AK4: variants seen among roughly 807,000 people sequenced by gnomAD.
The protein encoded by AK4 is adenylate kinase 4.
A neutral mutation model predicts 24.6 loss-of-function variants in AK4; 13 were observed. The ratio of observed to expected loss-of-function variants is 0.53; its 90% CI spans 0.34 to 0.84. AK4 has a LOEUF of 0.84. AK4 is among the 40% of genes least tolerant of loss of function. AK4 has a pLI of 0.01. For missense variants in AK4, 192 were observed against 288.2 expected (o/e 0.67, Z 2.42); for synonymous variants, 88 against 107.0 (o/e 0.82, Z 1.10).
chr1:65,196,641 T>C (rs1651481152), intron 2 of AK4, among the ~76,000 whole-genome samples: 1 of 152,096 alleles, frequency 6.6e-6, no homozygotes, highest in African/African-American at 2.4e-5. Flanking sequence ...ATTTTTTGTA[T>C]TTTTAGTAGA....
intron 2 of AK4, among the ~76,000 whole-genome samples, chr1:65,197,921 A>G (rs900072609): frequency 6.6e-6 from 1 of 152,190 alleles, no homozygotes; most frequent in African/African-American, 2.4e-5. Context: ...AGGAAATGCC[A>G]AGGGTAATTT....
intron 1 of AK4, among the ~76,000 whole-genome samples, chr1:65,180,818 G>A (rs576012109): frequency 1.4e-4 from 21 of 152,118 alleles, no homozygotes; most frequent in Middle Eastern, 3.4e-3. Context: ...GCGCAGGTGC[G>A]CACACACGTG....
At chr1:65,166,671 C>G (rs942478733) in intron 1 of AK4, among the ~76,000 whole-genome samples, 1 of 152,146 alleles carries the variant, frequency 6.6e-6, no homozygotes, top group African/African-American at 2.4e-5. Context: ...TACAGGTGCT[C>G]AACACCACAC....
At chr1:65,198,507 G>C (rs776937200) in intron 2 of AK4, among the ~76,000 whole-genome samples, 65 of 152,304 alleles carry the variant, frequency 4.3e-4, no homozygotes, top group Non-Finnish European at 7.9e-4. Context: ...GGAAAAGAAG[G>C]ATTAGAGGTA....
At chr1:65,221,848 G>A (rs984914261) in intron 3 of AK4, among the ~76,000 whole-genome samples, 2 of 152,236 alleles carry the variant, frequency 1.3e-5, no homozygotes, top group Non-Finnish European at 2.9e-5. Context: ...CATAGTGAAA[G>A]TGCTAACCTA....
At chr1:65,208,730 G>A (rs1651882902) in intron 2 of AK4, among the ~76,000 whole-genome samples, 1 of 152,154 alleles carries the variant, frequency 6.6e-6, no homozygotes, top group Non-Finnish European at 1.5e-5. Context: ...TTGCTGCCTG[G>A]GAACGTGGTG....
chr1:65,176,739 A>T (rs531641960), intron 1 of AK4, among the ~76,000 whole-genome samples: 4 of 152,190 alleles, frequency 2.6e-5, no homozygotes, highest in African/African-American at 9.6e-5. Context: ...GGCCACGATA[A>T]GTGAAATACA....
At chr1:65,199,316 G>A (rs1338695349) in intron 2 of AK4, among the ~76,000 whole-genome samples, 1 of 152,072 alleles carries the variant, frequency 6.6e-6, no homozygotes, top group Non-Finnish European at 1.5e-5. Context: ...TTGGGAGGCC[G>A]AGGTGGGCGA....
chr1:65,217,518 T>A (rs891029135), intron 2 of AK4, among the ~76,000 whole-genome samples: 4 of 152,322 alleles, frequency 2.6e-5, no homozygotes, highest in South Asian at 2.1e-4. Flanking sequence ...GACATTTTTT[T>A]AGAAAATGAT....
Position 65,152,327 on chromosome 1 carries a change from T to TCC in AK4, c.145+3776_145+3777insCC, listed in dbSNP as rs1167430777. On this transcript the variant is annotated intron_variant, in intron 1 of 4. Coordinates refer to ENST00000327299, the MANE Select transcript of AK4 (RefSeq NM_013410.4). ...TTTCTGCACTTGCTATCTCTCTCTC[T>TCC]CTCTCTCTCTCTCTCTCTCTCTCTC... 1.7e-3 allele frequency among the ~76,000 whole-genome samples: 50 copies of TCC among 29,036 alleles called. 1 individual carries two copies. The highest frequency in any genetic ancestry group is 7.0e-3 in the African/African-American group (38 of 5,466). 19.0% of individuals were successfully genotyped at this position (29,036 alleles called of 152,430 possible).
rs1042992111 is a variant in AK4, at chr1:65,228,838, T to A, written c.*2661T>A. On this transcript the variant is annotated 3_prime_UTR_variant, in exon 5 of 5. Transcript: ENST00000327299. ...CGCATTCTGTCATTCTACCCAGCTC[T>A]TAATTCAATTTGCTTCCATTATCCT... The A allele has an allele frequency of 1.3e-5, 2 of 152,086 alleles. No individual in the cohort carries two copies. Among genetic ancestry groups the A allele is most frequent in the African/African-American group, 4.8e-5 (2 of 41,422 alleles). The allele number at this position is 152,086 out of a possible 1,614,324, so 9.4% of individuals were successfully genotyped here. A position where few individuals can be genotyped will look rare whatever the true frequency, so the allele number is the denominator to read the frequency against.
intron 2 of AK4, among the ~76,000 whole-genome samples, chr1:65,213,789 C>A (rs1398656562): frequency 1.3e-5 from 2 of 152,176 alleles, no homozygotes; most frequent in South Asian, 2.1e-4. Context: ...ACTGCCCCCC[C>A]AGTACCTCAG....
chr1:65,172,504 G>T (rs1048374880), intron 1 of AK4, among the ~76,000 whole-genome samples: 1 of 152,074 alleles, frequency 6.6e-6, no homozygotes, highest in African/African-American at 2.4e-5. Context: ...TCATGAATGT[G>T]CTGTTTGGAA....
chr1:65,199,144 T>A (rs1042200777), intron 2 of AK4, among the ~76,000 whole-genome samples: 2 of 152,072 alleles, frequency 1.3e-5, no homozygotes, highest in Non-Finnish European at 1.5e-5. Context: ...TTATTTTCTT[T>A]GTTGGCATTT....
intron 2 of AK4, among the ~76,000 whole-genome samples, chr1:65,199,998 T>A (rs2101054650): frequency 6.6e-6 from 1 of 151,276 alleles, no homozygotes; most frequent in South Asian, 2.1e-4. Flanking sequence ...AGACATATAA[T>A]TAATTTCAAG....
At chr1:65,199,417 T>C (rs1438261226) in intron 2 of AK4, among the ~76,000 whole-genome samples, 3 of 151,934 alleles carry the variant, frequency 2.0e-5, no homozygotes, top group Non-Finnish European at 2.9e-5. Flanking sequence ...TGCGTGGTGG[T>C]GGGCGCTTGT....
At chr1:65,223,703 ACATAAAACCAGCCAGGCG>A (rs1330778693) in intron 3 of AK4, among the ~76,000 whole-genome samples, 1 of 152,118 alleles carries the variant, frequency 6.6e-6, no homozygotes, top group Non-Finnish European at 1.5e-5. Context: ...CAAATCAAAT[ACATAAAACCAGCCAGGCG>A]CAGTGGCTTA....
Position 65,231,345 on chromosome 1 carries a change from GT to G in AK4, c.*5169del, listed in dbSNP as rs1652638812. 1 of 152,726 alleles carries G rather than the reference GT, an allele frequency of 6.5e-6. No individual in the cohort carries two copies. Among genetic ancestry groups the G allele is most frequent in the Non-Finnish European group, 1.5e-5 (1 of 68,416 alleles). The allele number at this position is 152,726 out of a possible 1,614,324, so 9.5% of individuals were successfully genotyped here. A position where few individuals can be genotyped will look rare whatever the true frequency, so the allele number is the denominator to read the frequency against. On this transcript the variant is annotated 3_prime_UTR_variant, in exon 5 of 5. Transcript: ENST00000327299. ...CCAATTTGATCATTTTTGTGTGTGT[GT>G]GGTGTGTGTGTGAGAGAGAGAGATA... is the stretch of plus-strand genomic sequence containing the variant.
intron 1 of AK4, among the ~76,000 whole-genome samples, chr1:65,160,486 A>G (rs1308794564): frequency 1.3e-5 from 2 of 152,234 alleles, no homozygotes; most frequent in Non-Finnish European, 2.9e-5. Flanking sequence ...TTTATTGGCC[A>G]GGCTGGTTTT....
Sources: gnomAD v4.1 joint callset for allele counts (sites outside exome capture counted in the v4.1 genomes callset) on GRCh38, gnomAD v4.1.1 for gene constraint, MANE v1.5 for transcripts, NCBI Gene and HGNC (gene_info 2026-07-23, HGNC 2026-07-21) for gene names.